Variants in ANKEF1 observed in about 807,000 individuals in gnomAD.
The protein encoded by ANKEF1 is ankyrin repeat and EF-hand domain containing 1, also known as ankyrin repeat and EF-hand domain-containing protein 1.
ANKEF1 carries 43 observed loss-of-function variants against 65.1 expected under a neutral mutation model. The ratio of observed to expected loss-of-function variants is 0.66; its 90% CI spans 0.52 to 0.85. The LOEUF (loss-of-function observed/expected upper bound fraction) is 0.85. ANKEF1 is among the 40% of genes least tolerant of loss of function. ANKEF1 has a pLI of 0.00. For missense variants in ANKEF1, 934 were observed against 952.9 expected (o/e 0.98, Z 0.26); for synonymous variants, 316 against 341.5 (o/e 0.93, Z 0.82).
intron 6 of ANKEF1, among the ~76,000 whole-genome samples, 177 bp downstream of exon 6, chr20:10,045,874 G>A (rs1302224349): frequency 2.6e-5 from 4 of 152,104 alleles, no homozygotes; most frequent in Admixed American, 2.0e-4. Flanking sequence ...GTTAAATCAT[G>A]AATCTGCGCT....
intron 6 of ANKEF1, among the ~76,000 whole-genome samples, chr20:10,047,195 C>G (rs1984566084): frequency 6.6e-6 from 1 of 152,150 alleles, no homozygotes; most frequent in Non-Finnish European, 1.5e-5. Flanking sequence ...CATTGAGAAG[C>G]CAAGGACCAG....
At position 10,050,053 on chromosome 20, in the gene ANKEF1, A is replaced by G; in HGVS notation, c.1484A>G (p.Asn495Ser). 2 of 1,614,136 alleles carry G rather than the reference A, an allele frequency of 1.2e-6. No homozygotes were observed. ...YIDDSEKVFS[N>S]INIITKAGDL... is the part of the protein sequence containing the mutation. ...GATGATTCAGAGAAGGTATTTTCAA[A>G]CATTAATATTATCACCAAAGCAGGG... is the stretch of plus-strand genomic sequence containing the variant. Residue 495 changes from asparagine (N) to serine (S), a missense_variant, in exon 7 of 11, where the codon AAC (asparagine) becomes AGC (serine). Physicochemically the swap from Asn to Ser is conservative, Grantham distance 46. Coordinates refer to ENST00000378392, the MANE Select transcript of ANKEF1 (RefSeq NM_022096.6).
rs1196504742 is a variant in ANKEF1, at chr20:10,049,807, C to T, written c.1238C>T (p.Pro413Leu). The T allele has an allele frequency of 6.2e-7, 1 of 1,613,896 alleles. No individual in the cohort carries two copies. The highest frequency in any genetic ancestry group is 8.5e-7 in the Non-Finnish European group (1 of 1,180,004). Reference sequence around the variant, plus strand: ...TCTTTTGTCTTAGGATCGTATGGACCTAAGAAAAAGGAAAAAGGGATGGGC... The same window carrying T: ...TCTTTTGTCTTAGGATCGTATGGACTTAAGAAAAAGGAAAAAGGGATGGGC... ...NKSFVLGSYG[P>L]KKKEKGMGKK... Residue 413 changes from proline (P) to leucine (L), a missense_variant, in exon 7 of 11, where the codon CCT (proline) becomes CTT (leucine). By Grantham distance (98) the Pro-to-Leu change is moderately conservative. Transcript: ENST00000378392.
chr20:10,040,113 T>C (rs1019422729), intron 3 of ANKEF1, among the ~76,000 whole-genome samples: 1 of 152,166 alleles, frequency 6.6e-6, no homozygotes, highest in Admixed American at 6.5e-5. Flanking sequence ...ACTGAAACTA[T>C]AAAAGGAAAC....
rs759666408 is a variant in ANKEF1 at position 10,049,958 on chromosome 20, T to C, written c.1389T>C (p.Thr463=). The C allele has an allele frequency of 3.7e-6, 6 of 1,614,084 alleles. No individual in the cohort carries two copies. The highest frequency in any genetic ancestry group is 4.5e-5 in the East Asian group (2 of 44,898). ...YYMIETYKNV[T]DSSRFNRDHP... is the part of the protein sequence containing the mutation. ...TGATTGAGACCTACAAGAATGTCAC[T>C]GATAGCAGCCGGTTTAATAGAGATC... The change falls in exon 7 of 11, where the codon ACT becomes ACC. Residue 463 remains threonine, a synonymous_variant. Transcript: ENST00000378392.
At position 10,054,477 on chromosome 20, in the gene ANKEF1, A is replaced by T; in HGVS notation, c.2050A>T (p.Ile684Phe). 1 of 1,563,604 alleles carries T rather than the reference A, an allele frequency of 6.4e-7. No individual in the cohort carries two copies. The highest frequency in any genetic ancestry group is 1.2e-5 in the South Asian group (1 of 81,528). ...TTGTTTCCAGGAACTGCTGTCATCA[A>T]TTTATGGTGTACCAACCACATCAGA... is the stretch of plus-strand genomic sequence containing the variant. ...IKKEEELLSS[I>F]YGVPTTSEGK... Residue 684 changes from isoleucine (I) to phenylalanine (F), a missense_variant, in exon 10 of 11, where the codon ATT becomes TTT. By Grantham distance (21) the Ile-to-Phe change is conservative. Coordinates refer to ENST00000378392, the MANE Select transcript of ANKEF1 (RefSeq NM_022096.6).
rs1439665484 is a variant in ANKEF1, at chr20:10,053,218, A to G, written c.1977A>G (p.Leu659=). The part of the protein sequence containing the change: ...NLPKPAENQK[L]KGKTPPILKT... ...CGAAACCAGCAGAAAATCAAAAACTAAAAGGCAAGACACCTCCTATACTGA... is the reference window on the plus strand; with the variant it reads ...CGAAACCAGCAGAAAATCAAAAACTGAAAGGCAAGACACCTCCTATACTGA... Residue 659 remains leucine (L), a synonymous_variant, in exon 9 of 11, where the codon CTA becomes CTG. Transcript: ENST00000378392. 2.5e-6 allele frequency: 4 copies of G among 1,613,606 alleles called. No individual in the cohort carries two copies. Among genetic ancestry groups the G allele is most frequent in the South Asian group, 1.1e-5 (1 of 91,012 alleles).
At position 10,045,591 on chromosome 20, in the gene ANKEF1, T is replaced by A; in HGVS notation, c.714T>A (p.Phe238Leu). 6.2e-7 allele frequency: 1 copy of A among 1,613,630 alleles called. No homozygotes were observed. The highest frequency in any genetic ancestry group is 8.5e-7 in the Non-Finnish European group (1 of 1,179,644). The change falls in exon 6 of 11, where the codon TTT becomes TTA. Residue 238 changes from phenylalanine to leucine, a missense_variant. Coordinates refer to ENST00000378392, the MANE Select transcript of ANKEF1 (RefSeq NM_022096.6). ...GGFFDILKLL[F>L]AYNGDVGLIS... Reference sequence around the variant, plus strand: ...TTTTACAGATATTGAAGCTTCTTTTTGCCTACAATGGAGACGTGGGGCTGA... The same window carrying A: ...TTTTACAGATATTGAAGCTTCTTTTAGCCTACAATGGAGACGTGGGGCTGA...
At chr20:10,035,441 C>T (rs1382164829) in intron 1 of ANKEF1, 108 bp downstream of exon 1, 1 of 152,238 alleles carries the variant, frequency 6.6e-6, no homozygotes, top group East Asian at 1.9e-4. Flanking sequence ...CAGTAGAGAA[C>T]CCCCAACATG....
Position 10,035,294 on chromosome 20 carries a change from C to T in ANKEF1, c.-148C>T, listed in dbSNP as rs1396737858. ...CCAGCAGGCCCAGGCACATAGGTGC[C>T]CAGAGATCCCTGGCTTCTGATCGCC... On this transcript the variant is annotated 5_prime_UTR_variant, in exon 1 of 11. Transcript: ENST00000378392. 6.6e-6 allele frequency: 1 copy of T among 152,418 alleles called. No individual in the cohort carries two copies. The highest frequency in any genetic ancestry group is 1.5e-5 in the Non-Finnish European group (1 of 68,194). The allele number at this position is 152,418 out of a possible 1,614,324, so 9.4% of individuals were successfully genotyped here. A position where few individuals can be genotyped will look rare whatever the true frequency, so the allele number is the denominator to read the frequency against.
In ANKEF1 at chr20:10,049,469, C is replaced by T. The variant is rs778933391; in HGVS notation, c.900C>T (p.Ser300=). ...VAKEGGFKAA[S]KEIRRAERIA... ...AGGAAGGCGGCTTCAAAGCAGCAAG[C>T]AAAGAAATACGCCGAGCAGAGAGAA... is the stretch of plus-strand genomic sequence containing the variant. Residue 300 remains serine (S), a synonymous_variant, in exon 7 of 11, where the codon AGC becomes AGT. Coordinates refer to ENST00000378392, the MANE Select transcript of ANKEF1 (RefSeq NM_022096.6). 4 of 1,614,106 alleles carry T rather than the reference C, an allele frequency of 2.5e-6. No homozygotes were observed. The highest frequency in any genetic ancestry group is 3.4e-6 in the Non-Finnish European group (4 of 1,179,992).
In ANKEF1 at chr20:10,055,787, T is replaced by C; in HGVS notation, c.*127T>C. ...GAACTTGTTACCAAGAATTTCTTTT[T>C]GCTTTAACAACTATAAATATTCTTA... On this transcript the variant is annotated 3_prime_UTR_variant, in exon 11 of 11. Coordinates refer to ENST00000378392, the MANE Select transcript of ANKEF1 (RefSeq NM_022096.6). 1.1e-6 allele frequency: 1 copy of C among 880,982 alleles called. No homozygotes were observed. Among genetic ancestry groups the C allele is most frequent in the South Asian group, 1.7e-5 (1 of 58,282 alleles). The allele number at this position is 880,982 out of a possible 1,614,324, so 54.6% of individuals were successfully genotyped here.
rs547299482 is a variant in ANKEF1, at chr20:10,043,419, A to T, written c.546+98A>T. 2.6e-6 allele frequency: 3 copies of T among 1,133,598 alleles called. No individual in the cohort carries two copies. In the South Asian group the frequency reaches 4.4e-5, roughly 17 times the overall value. 70.2% of individuals were successfully genotyped at this position (1,133,598 alleles called of 1,614,324 possible). On this transcript the variant is annotated intron_variant, in intron 4 of 10. Coordinates refer to ENST00000378392, the MANE Select transcript of ANKEF1 (RefSeq NM_022096.6). ...TGATGACATTATCCTGTTAGCTGAT[A>T]GACTGTTCATTTTGATTCAAAATGC...
At chr20:10,055,306 C>T (rs1486729463) in intron 10 of ANKEF1, among the ~76,000 whole-genome samples, 196 bp from the exon 11 acceptor site, 1 of 152,024 alleles carries the variant, frequency 6.6e-6, no homozygotes, top group Non-Finnish European at 1.5e-5. Flanking sequence ...AACAGTGATG[C>T]TCGTGCAACC....
rs1173548232 is a variant in ANKEF1, at chr20:10,050,234, G to A, written c.1643+22G>A. ...AAGGGTACGCGTCTCCGTCGGGTGT[G>A]GCCTAAATTTTCACGAGTCTTCACA... On this transcript the variant is annotated intron_variant, in intron 7 of 10. Transcript: ENST00000378392. 10 of 1,551,588 alleles carry A rather than the reference G, an allele frequency of 6.4e-6. No homozygotes were observed. The Admixed American group carries it at 1.6e-4, about 25-fold the overall frequency.
chr20:10,052,991 C>G (rs981384456), intron 8 of ANKEF1, 121 bp from the exon 9 acceptor site: 2 of 979,668 alleles, frequency 2.0e-6, no homozygotes, highest in Non-Finnish European at 2.9e-6. Context: ...ATATATACCC[C>G]TTGCTTTAGG....
Position 10,058,148 on chromosome 20 carries a change from AG to A in ANKEF1, c.*2489del, listed in dbSNP as rs1985268079. The A allele has an allele frequency of 6.6e-6, 1 of 152,230 alleles. No individual in the cohort carries two copies. The highest frequency in any genetic ancestry group is 1.5e-5 in the Non-Finnish European group (1 of 68,028). 9.4% of individuals were successfully genotyped at this position (152,230 alleles called of 1,614,324 possible). ...GAAATGTAAATAAAAGTAAAGCTGC[AG>A]TAATAAATCATAACTGCATAAAATT... is the stretch of plus-strand genomic sequence containing the variant. On this transcript the variant is annotated 3_prime_UTR_variant, in exon 11 of 11. Transcript: ENST00000378392.
In ANKEF1 at chr20:10,047,929, A is replaced by C. The variant is rs548844735; in HGVS notation, c.821-1461A>C. Among the ~76,000 whole-genome samples the C allele has an allele frequency of 5.8e-4, 89 of 152,328 alleles. 1 individual carries two copies. The highest frequency in any genetic ancestry group is 2.1e-3 in the African/African-American group (88 of 41,566). On this transcript the variant is annotated intron_variant, in intron 6 of 10. Coordinates refer to ENST00000378392, the MANE Select transcript of ANKEF1 (RefSeq NM_022096.6). ...TGGAAGCTGCAGAGGGTAAGCTAAA[A>C]CAGGATGAAAATCCTTTGGTCCTTA...
intron 7 of ANKEF1, 35 bp from the exon 8 acceptor site, chr20:10,051,628 G>T (rs200173567): frequency 6.6e-7 from 1 of 1,520,754 alleles, no homozygotes; most frequent in Non-Finnish European, 9.1e-7. Flanking sequence ...TTGGAAAACC[G>T]TATTTTTAGT....
Sources: allele counts gnomAD v4.1 joint callset (sites outside exome capture counted in the v4.1 genomes callset), GRCh38; gene constraint gnomAD v4.1.1; transcripts MANE v1.5; gene names NCBI Gene and HGNC (gene_info 2026-07-23, HGNC 2026-07-21).